The following NUP155 variants were observed in gnomAD, a reference collection of about 807,000 sequenced individuals.
NUP155 encodes the protein nuclear pore complex protein Nup155.
A neutral mutation model predicts 180.4 loss-of-function variants in NUP155; 71 were observed. The observed-to-expected ratio is 0.39, with a 90% confidence interval of 0.33 to 0.48. NUP155 has a LOEUF of 0.48. NUP155 is among the 20% of genes least tolerant of loss of function. The pLI is 0.91. For missense variants in NUP155, 1,553 were observed against 1,648.9 expected (o/e 0.94, Z 1.01); for synonymous variants, 582 against 559.5 (o/e 1.04, Z -0.57).
rs1319892486 is a variant in NUP155, at chr5:37,291,693, G to GT, written c.*206dup. On this transcript the variant is annotated 3_prime_UTR_variant, in exon 35 of 35. Transcript: ENST00000231498. Reference sequence around the variant, plus strand: ...AATAATAAATAATCTCATTTCAGTTGTTTTTTCACCCAATTACTAAAAAAC... The same window carrying GT: ...AATAATAAATAATCTCATTTCAGTTGTTTTTTTCACCCAATTACTAAAAAAC... The GT allele has an allele frequency of 4.4e-6, 2 of 456,094 alleles. No individual in the cohort carries two copies. The highest frequency in any genetic ancestry group is 7.9e-6 in the Non-Finnish European group (2 of 254,562). 28.3% of individuals were successfully genotyped at this position (456,094 alleles called of 1,614,324 possible).
chr5:37,353,853 G>C (rs11956843), intron 4 of NUP155, among the ~76,000 whole-genome samples: 1 of 152,162 alleles, frequency 6.6e-6, no homozygotes, highest in African/African-American at 2.4e-5. Context: ...CAGAGTTCTA[G>C]ATATAGATGG....
intron 19 of NUP155, among the ~76,000 whole-genome samples, chr5:37,325,667 G>A (rs1030186048): frequency 1.3e-5 from 2 of 150,672 alleles, no homozygotes; most frequent in Non-Finnish European, 2.9e-5. Context: ...TACTCAGGAG[G>A]CTGAGGTGGG....
chr5:37,341,069 T>C lies in NUP155; in HGVS notation c.1246+21A>G, dbSNP rs1335009439. The C allele has an allele frequency of 4.5e-6, 7 of 1,559,036 alleles. No homozygotes were observed. In the African/African-American group the frequency reaches 8.1e-5, roughly 18 times the overall value. ...AATTTTAAGAATATAATCTTAAATC[T>C]GATAGTATTTCAGAACTTACCTTTA... On this transcript the variant is annotated intron_variant, in intron 11 of 34. Transcript: ENST00000231498.
chr5:37,345,678 G>A (rs1038351024), intron 9 of NUP155, among the ~76,000 whole-genome samples: 24 of 151,998 alleles, frequency 1.6e-4, no homozygotes, highest in African/African-American at 4.3e-4. Context: ...GCCAAGGCGC[G>A]CAGATAACAA....
At chr5:37,342,359 T>C (rs988920783) in intron 10 of NUP155, 190 bp downstream of exon 10, 1 of 536,546 alleles carries the variant, frequency 1.9e-6, no homozygotes, top group Non-Finnish European at 3.4e-6. Flanking sequence ...GGTTTGGTTT[T>C]ATATCTATAA....
intron 19 of NUP155, among the ~76,000 whole-genome samples, chr5:37,325,265 T>C (rs796840703): frequency 6.6e-5 from 10 of 152,296 alleles, no homozygotes; most frequent in African/African-American, 2.2e-4. Context: ...AAGTATTACA[T>C]AGTAAAATTT....
intron 6 of NUP155, among the ~76,000 whole-genome samples, chr5:37,350,979 C>T (rs1157053865): frequency 6.6e-6 from 1 of 152,012 alleles, no homozygotes. Flanking sequence ...TTATGTTCCA[C>T]GAGGACATAC....
At chr5:37,338,384 T>C (rs1379845874) in intron 11 of NUP155, among the ~76,000 whole-genome samples, 1 of 150,204 alleles carries the variant, frequency 6.7e-6, no homozygotes, top group African/African-American at 2.5e-5. Flanking sequence ...AACTAGCATA[T>C]ATAAATATAC....
At position 37,336,878 on chromosome 5, in the gene NUP155, G is replaced by C. The variant is rs188731926; in HGVS notation, c.1347+940C>G. ...ACCTTTTTCCAGTCCCATCTGGAAGGGTTCAAATTTAAGAACCACCAAAGA... is the reference window on the plus strand; with the variant it reads ...ACCTTTTTCCAGTCCCATCTGGAAGCGTTCAAATTTAAGAACCACCAAAGA... On this transcript the variant is annotated intron_variant, in intron 12 of 34. Transcript: ENST00000231498. Among the ~76,000 whole-genome samples the C allele has an allele frequency of 1.1e-4, 16 of 152,284 alleles. No individual in the cohort carries two copies. The East Asian group carries it at 2.9e-3, about 28-fold the overall frequency.
chr5:37,362,262 T>C (rs1485443417), intron 3 of NUP155, among the ~76,000 whole-genome samples: 1 of 152,166 alleles, frequency 6.6e-6, no homozygotes, highest in Non-Finnish European at 1.5e-5. Context: ...ATGTTGGATG[T>C]TAATGGAAAT....
chr5:37,358,069 T>C lies in NUP155; in HGVS notation c.463+12A>G, dbSNP rs1335155669. 10 of 1,588,770 alleles carry C rather than the reference T, an allele frequency of 6.3e-6. No homozygotes were observed. Among genetic ancestry groups the C allele is most frequent in the Non-Finnish European group, 8.6e-6 (10 of 1,156,820 alleles). ...ACAAACATAATCTCTTCCTTATAGT[T>C]TTATTTCTTACCTGCTTTTGGCTTC... On this transcript the variant is annotated intron_variant, in intron 4 of 34. Coordinates refer to ENST00000231498, the MANE Select transcript of NUP155 (RefSeq NM_153485.3).
chr5:37,367,658 G>A (rs993709560), intron 1 of NUP155, among the ~76,000 whole-genome samples: 4 of 151,486 alleles, frequency 2.6e-5, no homozygotes, highest in Non-Finnish European at 2.9e-5. Context: ...TCAGCCTCCG[G>A]AGTAGCTGGG....
chr5:37,368,460 T>C (rs1272458743), intron 1 of NUP155, among the ~76,000 whole-genome samples: 2 of 152,032 alleles, frequency 1.3e-5, no homozygotes, highest in African/African-American at 4.8e-5. Flanking sequence ...CTCAAACTTC[T>C]GGGCTCAAGT....
intron 6 of NUP155, 75 bp downstream of exon 6, chr5:37,351,115 G>T: frequency 8.4e-7 from 1 of 1,184,394 alleles, no homozygotes; most frequent in Non-Finnish European, 1.2e-6. Context: ...TATATAATTA[G>T]AAAACAAAAT....
At chr5:37,309,449 ATTC>A in intron 23 of NUP155, 182 bp from the exon 24 acceptor site, 1 of 579,608 alleles carries the variant, frequency 1.7e-6, no homozygotes, top group South Asian at 2.1e-5. Flanking sequence ...ATTCCTAGCT[ATTC>A]TTAATTCCTC....
intron 20 of NUP155, among the ~76,000 whole-genome samples, chr5:37,320,119 A>C (rs1744149681): frequency 6.6e-6 from 1 of 152,088 alleles, no homozygotes; most frequent in Non-Finnish European, 1.5e-5. Flanking sequence ...TGATCACATC[A>C]CTGCACTCCA....
At chr5:37,298,589 T>C (rs1450560933) in intron 32 of NUP155, among the ~76,000 whole-genome samples, 3 of 152,172 alleles carry the variant, frequency 2.0e-5, no homozygotes, top group African/African-American at 7.2e-5. Context: ...CAGAAACTTG[T>C]ATAGGGTTAC....
At chr5:37,328,525 G>A in intron 16 of NUP155, 105 bp from the exon 17 acceptor site, 1 of 837,466 alleles carries the variant, frequency 1.2e-6, no homozygotes, top group Non-Finnish European at 2.0e-6. Context: ...TTTTTTTGAG[G>A]CAGGGTCTCT....
At chr5:37,348,720 G>A (rs536530396) in intron 8 of NUP155, 124 bp from the exon 9 acceptor site, 13 of 702,546 alleles carry the variant, frequency 1.9e-5, no homozygotes, top group Admixed American at 2.3e-5. Context: ...ATTCAGATTC[G>A]AAATTTCATA....
Sources: allele counts gnomAD v4.1 joint callset (sites outside exome capture counted in the v4.1 genomes callset), GRCh38; gene constraint gnomAD v4.1.1; transcripts MANE v1.5; gene names NCBI Gene and HGNC (gene_info 2026-07-23, HGNC 2026-07-21).